The following GINS1 variants were observed in gnomAD, a reference collection of about 807,000 sequenced individuals.
GINS1 encodes DNA replication complex GINS protein PSF1.
Under a neutral mutation model 34.9 loss-of-function variants are expected in GINS1, and 26 were observed. The observed-to-expected ratio is 0.74, with a 90% CI of 0.55 to 1.03. GINS1 has a LOEUF of 1.03. Among genes scored for constraint, GINS1 ranks in the 50% least tolerant of loss-of-function variants. GINS1 has a pLI of 0.00. For missense variants in GINS1, 235 were observed against 237.9 expected (o/e 0.99, Z 0.08); for synonymous variants, 97 against 84.4 (o/e 1.15, Z -0.82).
At chr20:25,409,505 C>A (rs1174027928) in intron 1 of GINS1, among the ~76,000 whole-genome samples, 1 of 152,082 alleles carries the variant, frequency 6.6e-6, no homozygotes, top group Non-Finnish European at 1.5e-5. Flanking sequence ...GAATTGGGAT[C>A]TTGGAGGATC....
intron 6 of GINS1, among the ~76,000 whole-genome samples, chr20:25,445,043 T>A (rs935758916): frequency 2.0e-5 from 3 of 152,220 alleles, no homozygotes; most frequent in African/African-American, 7.2e-5. Flanking sequence ...TGTGCATAAA[T>A]TTTAAAAATA....
chr20:25,411,476 C>T (rs1166644679), intron 1 of GINS1, among the ~76,000 whole-genome samples: 2 of 152,078 alleles, frequency 1.3e-5, no homozygotes, highest in East Asian at 1.9e-4. Flanking sequence ...GCTTCTCTTT[C>T]GATTGTTGGC....
intron 6 of GINS1, among the ~76,000 whole-genome samples, chr20:25,444,827 G>T (rs1415871502): frequency 6.6e-6 from 1 of 152,290 alleles, no homozygotes; most frequent in East Asian, 1.9e-4. Flanking sequence ...ATCTTCCCAT[G>T]TACCATGTGA....
intron 5 of GINS1, among the ~76,000 whole-genome samples, chr20:25,431,519 G>A (rs1057450430): frequency 1.3e-5 from 2 of 148,302 alleles, no homozygotes; most frequent in South Asian, 2.2e-4. Flanking sequence ...GTCTTCTTTC[G>A]TTTTTGTTTT....
At chr20:25,424,844 T>G (rs1449645169) in intron 4 of GINS1, among the ~76,000 whole-genome samples, 1 of 152,218 alleles carries the variant, frequency 6.6e-6, no homozygotes. Flanking sequence ...TGGTGGACAT[T>G]TGGGTTTTCT....
intron 6 of GINS1, among the ~76,000 whole-genome samples, chr20:25,445,166 ATT>A (rs2090503992): frequency 6.6e-6 from 1 of 152,222 alleles, no homozygotes. Flanking sequence ...AATGGAATCA[ATT>A]TCAATGGATT....
chr20:25,418,687 T>C (rs2090336225), intron 4 of GINS1, among the ~76,000 whole-genome samples: 1 of 152,228 alleles, frequency 6.6e-6, no homozygotes, highest in African/African-American at 2.4e-5. Flanking sequence ...AAGATCATAT[T>C]ACCTATCTAT....
chr20:25,422,217 C>A (rs1400527022), intron 4 of GINS1, among the ~76,000 whole-genome samples: 1 of 152,022 alleles, frequency 6.6e-6, no homozygotes, highest in Non-Finnish European at 1.5e-5. Flanking sequence ...ACCTTTGTGT[C>A]CCTCCTCCCA....
At position 25,418,206 on chromosome 20, in the gene GINS1, A is replaced by G. The variant is rs775633874; in HGVS notation, c.330+11A>G. On this transcript the variant is annotated intron_variant, in intron 4 of 6. Coordinates refer to ENST00000262460, the MANE Select transcript of GINS1 (RefSeq NM_021067.5). ...ATGGCTGCTGAAGAAGTGAGTTAGC[A>G]TTGTTCAAGTTTATAAATTTTGAAA... 27 of 1,444,930 alleles carry G rather than the reference A, an allele frequency of 1.9e-5. No individual in the cohort carries two copies. The highest frequency in any genetic ancestry group is 2.1e-5 in the Non-Finnish European group (22 of 1,024,468). The allele number at this position is 1,444,930 out of a possible 1,614,324, so 89.5% of individuals were successfully genotyped here. A position where few individuals can be genotyped will look rare whatever the true frequency, so the allele number is the denominator to read the frequency against.
chr20:25,419,352 AAAAC>A (rs928762481), intron 4 of GINS1, among the ~76,000 whole-genome samples: 2 of 152,054 alleles, frequency 1.3e-5, no homozygotes, highest in Non-Finnish European at 2.9e-5. Context: ...AGAAAAAAAA[AAAAC>A]AAATATTCAA....
intron 1 of GINS1, among the ~76,000 whole-genome samples, chr20:25,410,205 G>T (rs1289987026): frequency 6.6e-6 from 1 of 152,088 alleles, no homozygotes. Flanking sequence ...GCCAGGCGTG[G>T]TGGGATGTGC....
chr20:25,432,063 G>T (rs2090430070), intron 5 of GINS1, among the ~76,000 whole-genome samples: 1 of 151,926 alleles, frequency 6.6e-6, no homozygotes. Flanking sequence ...AGTAGAGACG[G>T]GGTTTCACCA....
At chr20:25,409,759 C>T (rs1160181135) in intron 1 of GINS1, among the ~76,000 whole-genome samples, 1 of 152,180 alleles carries the variant, frequency 6.6e-6, no homozygotes, top group Non-Finnish European at 1.5e-5. Context: ...GTTTTTTCAA[C>T]TTCAGAGCAG....
intron 5 of GINS1, among the ~76,000 whole-genome samples, chr20:25,425,563 A>C (rs935168250): frequency 1.3e-5 from 2 of 152,216 alleles, no homozygotes; most frequent in Admixed American, 6.5e-5. Flanking sequence ...TTTAGCTATT[A>C]CTAAAACAAA....
chr20:25,422,083 A>T (rs1266256654), intron 4 of GINS1, among the ~76,000 whole-genome samples: 1 of 152,070 alleles, frequency 6.6e-6, no homozygotes, highest in Non-Finnish European at 1.5e-5. Flanking sequence ...AATCTAACAT[A>T]AAAACAGGCA....
intron 5 of GINS1, among the ~76,000 whole-genome samples, chr20:25,426,846 G>A (rs2090394098): frequency 6.6e-6 from 1 of 152,074 alleles, no homozygotes; most frequent in Admixed American, 6.6e-5. Flanking sequence ...TCCTTTTTAA[G>A]GATGAGTAAT....
chr20:25,429,598 C>T (rs1055947062), intron 5 of GINS1, among the ~76,000 whole-genome samples: 1 of 151,952 alleles, frequency 6.6e-6, no homozygotes, highest in Non-Finnish European at 1.5e-5. Flanking sequence ...GAATTATTTT[C>T]ATAATTTTTA....
rs769751144 is a variant in GINS1 at position 25,446,331 on chromosome 20, G to T, written c.*340G>T. ...ATCACAGGCGTGAGCCACTGCACCC[G>T]GCCCCTACTCCTTTTTCTAATAAGC... On this transcript the variant is annotated 3_prime_UTR_variant, in exon 7 of 7. Transcript: ENST00000262460. 4.5e-6 allele frequency: 1 copy of T among 221,768 alleles called. No individual in the cohort carries two copies. Among genetic ancestry groups the T allele is most frequent in the Non-Finnish European group, 8.8e-6 (1 of 113,578 alleles). The allele number at this position is 221,768 out of a possible 1,614,324, so 13.7% of individuals were successfully genotyped here. A position where few individuals can be genotyped will look rare whatever the true frequency, so the allele number is the denominator to read the frequency against.
chr20:25,418,215 G>A lies in GINS1; in HGVS notation c.330+20G>A. 7.2e-7 allele frequency: 1 copy of A among 1,387,836 alleles called. No individual in the cohort carries two copies. The highest frequency in any genetic ancestry group is 1.0e-6 in the Non-Finnish European group (1 of 972,138). The allele number at this position is 1,387,836 out of a possible 1,614,324, so 86.0% of individuals were successfully genotyped here. A position where few individuals can be genotyped will look rare whatever the true frequency, so the allele number is the denominator to read the frequency against. ...GAAGAAGTGAGTTAGCATTGTTCAA[G>A]TTTATAAATTTTGAAAATGCTAAAG... On this transcript the variant is annotated intron_variant, in intron 4 of 6. Coordinates refer to ENST00000262460, the MANE Select transcript of GINS1 (RefSeq NM_021067.5).
Sources: allele counts gnomAD v4.1 joint callset (sites outside exome capture counted in the v4.1 genomes callset), GRCh38; gene constraint gnomAD v4.1.1; transcripts MANE v1.5; gene names NCBI Gene and HGNC (gene_info 2026-07-23, HGNC 2026-07-21).